Variants in TRIM42 observed in about 807,000 individuals in gnomAD.
TRIM42 encodes the protein tripartite motif containing 42.
A neutral mutation model predicts 64.9 loss-of-function variants in TRIM42; 59 were observed. The observed-to-expected ratio is 0.91, with a 90% CI of 0.74 to 1.13. TRIM42 has a LOEUF of 1.13. Among genes scored for constraint, TRIM42 ranks in the 50% most tolerant of loss-of-function variants. The probability of loss-of-function intolerance (pLI) is 0.00; values close to 1 mark genes in which losing one functional copy is unlikely to be tolerated. For missense variants in TRIM42, 878 were observed against 929.5 expected (o/e 0.94, Z 0.72); for synonymous variants, 354 against 346.3 (o/e 1.02, Z -0.25).
At position 140,691,378 on chromosome 3, in the gene TRIM42, G is replaced by A. The variant is rs917813571; in HGVS notation, c.2085+186G>A. 3.4e-4 allele frequency among the ~76,000 whole-genome samples: 52 copies of A among 152,212 alleles called. 1 individual carries two copies. The highest frequency in any genetic ancestry group is 1.2e-3 in the African/African-American group (51 of 41,458). On this transcript the variant is annotated intron_variant, in intron 4 of 4. Coordinates refer to ENST00000286349, the MANE Select transcript of TRIM42 (RefSeq NM_152616.5). ...CAACCAGACTTTGCAGATGTCGCCT[G>A]AGAATTGTTCTATTTGATTCAAAAA...
chr3:140,690,543 A>G (rs1271810107), intron 3 of TRIM42, among the ~76,000 whole-genome samples: 8 of 7,498 alleles, frequency 1.1e-3, no homozygotes, highest in Non-Finnish European at 2.0e-3. Flanking sequence ...ATATATATAT[A>G]TATATATATA....
chr3:140,689,886 G>A (rs1988662379), intron 3 of TRIM42, among the ~76,000 whole-genome samples: 1 of 151,706 alleles, frequency 6.6e-6, no homozygotes, highest in Middle Eastern at 3.4e-3. Context: ...GAAGTTGGCA[G>A]GATCTTGCTC....
chr3:140,688,084 C>T lies in TRIM42; in HGVS notation c.1402C>T (p.Arg468Trp), dbSNP rs757825661. 3.2e-5 allele frequency: 51 copies of T among 1,613,898 alleles called. No homozygotes were observed. In the Middle Eastern group the frequency reaches 8.2e-4, roughly 26 times the overall value. ...CACCTACAGGCCTGACCCACAGCTCCGGCTGCACTCAATAAACTACGTGCC... is the reference window on the plus strand; with the variant it reads ...CACCTACAGGCCTGACCCACAGCTCTGGCTGCACTCAATAAACTACGTGCC... ...QTTYRPDPQL[R>W]LHSINYVPLD... Residue 468 changes from arginine (R) to tryptophan (W), a missense_variant, in exon 3 of 5, where the codon CGG (arginine) becomes TGG (tryptophan). By Grantham distance (101) the Arg-to-Trp change is moderately radical. Coordinates refer to ENST00000286349, the MANE Select transcript of TRIM42 (RefSeq NM_152616.5).
Position 140,682,799 on chromosome 3 carries a change from T to A in TRIM42, c.679T>A (p.Trp227Arg). The A allele has an allele frequency of 6.2e-7, 1 of 1,613,926 alleles. No homozygotes were observed. The highest frequency in any genetic ancestry group is 8.5e-7 in the Non-Finnish European group (1 of 1,180,040). The change falls in exon 2 of 5, where the codon TGG becomes AGG. Residue 227 changes from tryptophan (W) to arginine (R), a missense_variant. Trp to Arg is a moderately radical substitution (Grantham distance 101, BLOSUM62 -3). Coordinates refer to ENST00000286349, the MANE Select transcript of TRIM42 (RefSeq NM_152616.5). Reference protein sequence around the residue: ...RYMQEHGYLKWRFDRSSGPIL... With the variant: ...RYMQEHGYLKRRFDRSSGPIL... ...CATGCAGGAGCACGGCTACCTCAAGTGGCGCTTTGACCGCTCCTCCGGGCC... is the reference window on the plus strand; with the variant it reads ...CATGCAGGAGCACGGCTACCTCAAGAGGCGCTTTGACCGCTCCTCCGGGCC...
At chr3:140,700,575 C>A (rs999147628) in intron 4 of TRIM42, among the ~76,000 whole-genome samples, 2 of 152,182 alleles carry the variant, frequency 1.3e-5, no homozygotes, top group African/African-American at 2.4e-5. Flanking sequence ...ACAGAGGATC[C>A]TCTATGGTGA....
intron 4 of TRIM42, 60 bp from the exon 5 acceptor site, chr3:140,700,828 G>T: frequency 6.7e-7 from 1 of 1,495,844 alleles, no homozygotes; most frequent in Non-Finnish European, 9.3e-7. Flanking sequence ...ATGCAGAAGG[G>T]CCCAGGCTAC....
intron 1 of TRIM42, among the ~76,000 whole-genome samples, chr3:140,680,154 T>G (rs1446413947): frequency 6.6e-6 from 1 of 152,006 alleles, no homozygotes; most frequent in African/African-American, 2.4e-5. Context: ...TGTTTTGAAA[T>G]GGAACCATGG....
chr3:140,683,157 C>T lies in TRIM42; in HGVS notation c.1037C>T (p.Ala346Val), dbSNP rs35484200. The T allele has an allele frequency of 6.1e-5, 99 of 1,613,830 alleles. No individual in the cohort carries two copies. The African/African-American group carries it at 1.2e-3, about 20-fold the overall frequency. The change falls in exon 2 of 5, where the codon GCA becomes GTA. Residue 346 changes from alanine to valine, a missense_variant and splice_region_variant. Transcript: ENST00000286349. ...SLFSAIAKFK[A>V]VRYEIDNDLM... ...TTCAGCGCCATCGCCAAGTTCAAAG[C>T]AGGTCCTCCCCTTTTCCACTCCTTC... is the stretch of plus-strand genomic sequence containing the variant.
At position 140,691,074 on chromosome 3, in the gene TRIM42, T is replaced by C. The variant is rs1559938684; in HGVS notation, c.1967T>C (p.Ile656Thr). Residue 656 changes from isoleucine to threonine, a missense_variant, in exon 4 of 5, where the codon ATT (isoleucine) becomes ACT (threonine). Ile to Thr is a moderately conservative substitution (Grantham distance 89, BLOSUM62 -1). Transcript: ENST00000286349. ...NNVQMELCGQ[I>T]RDIMQQNLEL... ...GTACAAATGGAGCTCTGTGGACAAATTCGGGACATAATGCAGCAAAATCTG... is the reference window on the plus strand; with the variant it reads ...GTACAAATGGAGCTCTGTGGACAAACTCGGGACATAATGCAGCAAAATCTG... 1 of 1,614,100 alleles carries C rather than the reference T, an allele frequency of 6.2e-7. No homozygotes were observed. The highest frequency in any genetic ancestry group is 1.7e-5 in the Admixed American group (1 of 60,016).
At chr3:140,683,357 TC>T (rs1324368683) in intron 2 of TRIM42, among the ~76,000 whole-genome samples, 198 bp downstream of exon 2, 2 of 152,054 alleles carry the variant, frequency 1.3e-5, no homozygotes, top group South Asian at 4.2e-4. Flanking sequence ...CCACTTAACT[TC>T]CCCGTGCCTT....
chr3:140,682,362 T>A, intron 1 of TRIM42, 100 bp from the exon 2 acceptor site: 2 of 1,196,724 alleles, frequency 1.7e-6, no homozygotes, highest in Non-Finnish European at 2.4e-6. Flanking sequence ...ACCACCACAC[T>A]AGACTGCCCC....
At chr3:140,697,810 A>G (rs1318529173) in intron 4 of TRIM42, among the ~76,000 whole-genome samples, 1 of 152,132 alleles carries the variant, frequency 6.6e-6, no homozygotes, top group Non-Finnish European at 1.5e-5. Context: ...CAGCCTCCCT[A>G]GTAGCTGGGA....
intron 4 of TRIM42, among the ~76,000 whole-genome samples, chr3:140,696,914 C>T (rs1988867099): frequency 6.6e-6 from 1 of 152,080 alleles, no homozygotes; most frequent in South Asian, 2.1e-4. Context: ...GTGCAATTCG[C>T]CCCATATTAG....
At chr3:140,693,406 C>A (rs1050378218) in intron 4 of TRIM42, among the ~76,000 whole-genome samples, 19 of 152,150 alleles carry the variant, frequency 1.2e-4, no homozygotes, top group Non-Finnish European at 2.8e-4. Context: ...ACTTGAGGAG[C>A]TGCAATATAG....
At chr3:140,680,501 G>C (rs1559934732) in intron 1 of TRIM42, among the ~76,000 whole-genome samples, 1 of 151,746 alleles carries the variant, frequency 6.6e-6, no homozygotes, top group Non-Finnish European at 1.5e-5. Context: ...TTTCTTTTTT[G>C]TGAAAATGCT....
chr3:140,678,818 T>C (rs1403613859), intron 1 of TRIM42, among the ~76,000 whole-genome samples: 1 of 152,038 alleles, frequency 6.6e-6, no homozygotes, highest in African/African-American at 2.4e-5. Context: ...ACCCCAACTC[T>C]CTCATCTGTA....
At chr3:140,696,645 A>T (rs1559940140) in intron 4 of TRIM42, among the ~76,000 whole-genome samples, 2 of 152,206 alleles carry the variant, frequency 1.3e-5, no homozygotes, top group Non-Finnish European at 2.9e-5. Context: ...AAATGTTGGC[A>T]GGGTTGGTTT....
intron 3 of TRIM42, 34 bp from the exon 4 acceptor site, chr3:140,690,934 T>G: frequency 6.6e-7 from 1 of 1,524,908 alleles, no homozygotes; most frequent in Non-Finnish European, 9.1e-7. Flanking sequence ...TGATGTATAC[T>G]AGTACCACAC....
intron 2 of TRIM42, among the ~76,000 whole-genome samples, chr3:140,684,588 G>C (rs1173866532): frequency 2.0e-5 from 3 of 152,192 alleles, no homozygotes; most frequent in Non-Finnish European, 4.4e-5. Flanking sequence ...CATCACCCCG[G>C]ACCTCTCAGT....
Sources: gnomAD v4.1 joint callset for allele counts (sites outside exome capture counted in the v4.1 genomes callset) on GRCh38, gnomAD v4.1.1 for gene constraint, MANE v1.5 for transcripts, NCBI Gene and HGNC (gene_info 2026-07-23, HGNC 2026-07-21) for gene names.